The following ZFC3H1 variants were observed in gnomAD, a reference collection of about 807,000 sequenced individuals.
ZFC3H1 encodes the protein zinc finger C3H1-type containing.
In ZFC3H1, 71 loss-of-function variants were observed where a neutral mutation model predicts 243.7. The observed-to-expected ratio is 0.29, with a 90% CI of 0.24 to 0.36. ZFC3H1 has a LOEUF of 0.36. Among genes scored for constraint, ZFC3H1 ranks in the 10% least tolerant of loss-of-function variants. ZFC3H1 has a pLI of 1.00. For missense variants in ZFC3H1, 1,966 were observed against 2,317.1 expected, an observed-to-expected ratio of 0.85 and a Z score of 3.11; for synonymous variants, 838 against 813.0, an observed-to-expected ratio of 1.03 and a Z score of -0.52.
At position 71,663,614 on chromosome 12, in the gene ZFC3H1, G is replaced by C. The variant is rs1159346678; in HGVS notation, c.-4C>G. On this transcript the variant is annotated 5_prime_UTR_variant, in exon 1 of 35. Transcript: ENST00000378743. ...CCGGAGTATCTGCGGTCGCCATCCG[G>C]GGAGCAGCGCCTTCCACACAACCTT... 6.2e-7 allele frequency: 1 copy of C among 1,606,412 alleles called. No individual in the cohort carries two copies. Among genetic ancestry groups the C allele is most frequent in the Non-Finnish European group, 8.5e-7 (1 of 1,178,442 alleles).
At chr12:71,632,545 C>T (rs779305263) in intron 14 of ZFC3H1, 31 bp from the exon 15 acceptor site, 8 of 1,518,060 alleles carry the variant, frequency 5.3e-6, no homozygotes, top group Non-Finnish European at 7.0e-6. Context: ...ACGTATTTTA[C>T]ATCACTGTGA....
In ZFC3H1 at chr12:71,611,811, G is replaced by A. The variant is rs868286666; in HGVS notation, c.5704C>T (p.Pro1902Ser). Residue 1902 changes from proline (P) to serine (S), a missense_variant, in exon 32 of 35, where the codon CCA becomes TCA. Pro to Ser is a moderately conservative substitution (Grantham distance 74). Around this residue, in one of 4 missense-constraint regions of ZFC3H1, gnomAD observed 1,383 missense variants for 1,723.7 expected, o/e 0.80. Transcript: ENST00000378743. ...ATTTTCCAGGTGGCCAGGCATGTTGGGATATTATATGTAAACATCTTGGCT... is the reference window on the plus strand; with the variant it reads ...ATTTTCCAGGTGGCCAGGCATGTTGAGATATTATATGTAAACATCTTGGCT... ...LQAKMFTYNI[P>S]TCLATWKIAI... The A allele has an allele frequency of 6.2e-6, 10 of 1,609,346 alleles. No homozygotes were observed. The Admixed American group carries it at 6.7e-5, about 11-fold the overall frequency.
At chr12:71,616,507 A>G (rs1257566824) in intron 27 of ZFC3H1, among the ~76,000 whole-genome samples, 3 of 152,160 alleles carry the variant, frequency 2.0e-5, no homozygotes, top group African/African-American at 7.2e-5. Flanking sequence ...AAGCCACAAT[A>G]CTTACTAGGA....
At chr12:71,648,166 T>TA (rs1252225239) in intron 2 of ZFC3H1, among the ~76,000 whole-genome samples, 2 of 152,166 alleles carry the variant, frequency 1.3e-5, no homozygotes, top group Non-Finnish European at 2.9e-5. Context: ...TCCACACTGA[T>TA]AGAATATAAT....
rs372384098 is a variant in ZFC3H1 at position 71,663,038 on chromosome 12, T to G, written c.573A>C (p.Arg191=). The part of the protein sequence containing the change: ...GSGFSSSQSW[R]EPSPPRKSSK... ...AGCTCTTCCGAGGTGGAGAGGGCTC[T>G]CGCCAGCTCTGACTGCTGCTGAACC... The change falls in exon 1 of 35, where the codon CGA becomes CGC. Residue 191 remains arginine (R), a synonymous_variant. Transcript: ENST00000378743. The G allele has an allele frequency of 5.6e-6, 9 of 1,609,808 alleles. No individual in the cohort carries two copies. The African/African-American group carries it at 1.1e-4, about 19-fold the overall frequency.
chr12:71,643,147 A>C (rs186969320), intron 5 of ZFC3H1, among the ~76,000 whole-genome samples: 1 of 152,260 alleles, frequency 6.6e-6, no homozygotes, highest in East Asian at 1.9e-4. Context: ...AAATAATACC[A>C]TATTTATCTC....
At chr12:71,630,461 A>T (rs540311727) in intron 18 of ZFC3H1, 139 bp downstream of exon 18, 3 of 1,200,104 alleles carry the variant, frequency 2.5e-6, no homozygotes, top group African/African-American at 1.5e-5. Context: ...TATACTGGAT[A>T]CAGCAAATCT....
intron 1 of ZFC3H1, among the ~76,000 whole-genome samples, chr12:71,660,742 C>G (rs1592606345): frequency 1.3e-5 from 2 of 152,142 alleles, no homozygotes; most frequent in East Asian, 3.9e-4. Context: ...ACTTCAGTTT[C>G]AACTTTTTAT....
intron 21 of ZFC3H1, among the ~76,000 whole-genome samples, chr12:71,627,047 C>T (rs768597309): frequency 2.0e-5 from 3 of 151,756 alleles, no homozygotes; most frequent in Admixed American, 6.6e-5. Flanking sequence ...CACATCCAGG[C>T]ATGTGTGGGT....
At chr12:71,645,103 T>G in intron 3 of ZFC3H1, 28 bp from the exon 4 acceptor site, 1 of 1,547,498 alleles carries the variant, frequency 6.5e-7, no homozygotes, top group Non-Finnish European at 8.7e-7. Context: ...AGAGCTAAAA[T>G]TTTTTAATTC....
chr12:71,644,200 CCTT>C lies in ZFC3H1; in HGVS notation c.1395_1397del (p.Arg466del). The C allele has an allele frequency of 6.2e-7, 1 of 1,610,630 alleles. No homozygotes were observed. Among genetic ancestry groups the C allele is most frequent in the Non-Finnish European group, 8.5e-7 (1 of 1,177,412 alleles). On this transcript the variant is annotated inframe_deletion, in exon 5 of 35. Transcript: ENST00000378743. Reference sequence around the variant, plus strand: ...TTTTTCTGATTTCTTCCTCTCTTTTCCTTCTCTCTTCTTCTTCAGCTTGTTTCC... The same window carrying C: ...TTTTTCTGATTTCTTCCTCTCTTTTCCTCTCTTCTTCTTCAGCTTGTTTCC...
intron 2 of ZFC3H1, among the ~76,000 whole-genome samples, chr12:71,654,210 C>G (rs1880960942): frequency 6.6e-6 from 1 of 152,098 alleles, no homozygotes; most frequent in Admixed American, 6.5e-5. Flanking sequence ...GAGGCTAAGG[C>G]AAGAGGATCA....
intron 19 of ZFC3H1, among the ~76,000 whole-genome samples, chr12:71,629,253 C>T: frequency 6.6e-6 from 1 of 151,542 alleles, no homozygotes. Flanking sequence ...GCAACCTCCG[C>T]CTCTCGGGTT....
At chr12:71,628,543 A>G (rs1475908559) in intron 20 of ZFC3H1, among the ~76,000 whole-genome samples, 2 of 152,214 alleles carry the variant, frequency 1.3e-5, no homozygotes, top group South Asian at 2.1e-4. Flanking sequence ...ATGTCAGAAA[A>G]CATATTCAAA....
At chr12:71,631,701 A>G in intron 16 of ZFC3H1, 77 bp downstream of exon 16, 1 of 1,240,004 alleles carries the variant, frequency 8.1e-7, no homozygotes, top group Non-Finnish European at 1.1e-6. Context: ...TTTCATTATC[A>G]TCAAATATTC....
chr12:71,640,405 G>A (rs1253111214), intron 6 of ZFC3H1, among the ~76,000 whole-genome samples: 1 of 152,232 alleles, frequency 6.6e-6, no homozygotes, highest in Admixed American at 6.5e-5. Context: ...AAGACCAGGT[G>A]GACTGGCCCC....
At position 71,634,728 on chromosome 12, in the gene ZFC3H1, C is replaced by A; in HGVS notation, c.2336G>T (p.Arg779Ile). ...ALPEEKKIEYRLLKEEIANRE... is the reference protein window; with the variant it reads ...ALPEEKKIEYILLKEEIANRE... ...CTTGGCAATCTCTTCCTTTAACAAT[C>A]TATATTCAATCTTCTTTTCTTCAGG... The change falls in exon 11 of 35, where the codon AGA becomes ATA. Residue 779 changes from arginine (R) to isoleucine (I), a missense_variant. Physicochemically the swap from Arg to Ile is moderately conservative, Grantham distance 97 (BLOSUM62 -3). Coordinates refer to ENST00000378743, the MANE Select transcript of ZFC3H1 (RefSeq NM_144982.5). 1 of 1,599,036 alleles carries A rather than the reference C, an allele frequency of 6.3e-7. No homozygotes were observed. Among genetic ancestry groups the A allele is most frequent in the Non-Finnish European group, 8.5e-7 (1 of 1,174,948 alleles).
intron 2 of ZFC3H1, 192 bp downstream of exon 2, chr12:71,656,693 A>T (rs1304660103): frequency 2.6e-5 from 16 of 609,024 alleles, no homozygotes; most frequent in Non-Finnish European, 4.0e-5. Context: ...GTCAGGCAAA[A>T]AATAAATAAA....
Position 71,636,842 on chromosome 12 carries a change from T to C in ZFC3H1, c.1935+8A>G. 3.1e-6 allele frequency: 5 copies of C among 1,613,760 alleles called. No individual in the cohort carries two copies. The highest frequency in any genetic ancestry group is 2.7e-5 in the African/African-American group (2 of 75,000). ...AGCACCACCTAGAGGTTTAGGTACC[T>C]AAATTACCTCTGGCTTAAAAGCTCT... is the stretch of plus-strand genomic sequence containing the variant. On this transcript the variant is annotated splice_region_variant and intron_variant, in intron 8 of 34. Coordinates refer to ENST00000378743, the MANE Select transcript of ZFC3H1 (RefSeq NM_144982.5).
Sources: allele counts gnomAD v4.1 joint callset (sites outside exome capture counted in the v4.1 genomes callset), GRCh38; gene constraint gnomAD v4.1.1; regional missense constraint gnomAD v4.1.1; transcripts MANE v1.5; gene names NCBI Gene and HGNC (gene_info 2026-07-23, HGNC 2026-07-21).